The following RBFOX1 variants were observed in gnomAD, a reference collection of about 807,000 sequenced individuals.
The protein encoded by RBFOX1 is RNA binding fox-1 homolog 1, also known as RNA binding protein fox-1 homolog 1.
In RBFOX1, 8 loss-of-function variants were observed where a neutral mutation model predicts 57.7. That is an observed-to-expected ratio of 0.14 (90% CI 0.08 to 0.25). RBFOX1 has a LOEUF of 0.25. Ranked by LOEUF, RBFOX1 falls within the 10% of genes least tolerant of loss-of-function variation. The pLI is 1.00. For missense variants in RBFOX1, 611 were observed against 548.5 expected (o/e 1.11, Z -1.14); for synonymous variants, 326 against 222.4 (o/e 1.47, Z -4.15).
chr16:6,625,348 AC>A (rs1292061590), intron 2 of RBFOX1, among the ~76,000 whole-genome samples: 1 of 152,044 alleles, frequency 6.6e-6, no homozygotes, highest in African/African-American at 2.4e-5. Context: ...CATTCCTGTA[AC>A]TCTGGGTTTG....
chr16:7,347,961 G>A (rs13329767), intron 4 of RBFOX1, among the ~76,000 whole-genome samples: 1 of 152,014 alleles, frequency 6.6e-6, no homozygotes, highest in Non-Finnish European at 1.5e-5. Flanking sequence ...ATGCAGAGCT[G>A]TCTGTTTGTA....
At chr16:5,367,295 G>A (rs1044387549) in intron 1 of RBFOX1, among the ~76,000 whole-genome samples, 4 of 152,170 alleles carry the variant, frequency 2.6e-5, no homozygotes, top group South Asian at 2.1e-4. Flanking sequence ...TCAGTGATGC[G>A]GTTGCTCGCT....
intron 2 of RBFOX1, among the ~76,000 whole-genome samples, chr16:5,503,424 G>A (rs909355005): frequency 1.3e-5 from 2 of 152,148 alleles, no homozygotes; most frequent in Admixed American, 6.6e-5. Context: ...ACAAGACACT[G>A]GTTTCTTTCT....
intron 1 of RBFOX1, among the ~76,000 whole-genome samples, chr16:5,432,393 C>T (rs940295488): frequency 6.6e-6 from 1 of 152,192 alleles, no homozygotes; most frequent in Non-Finnish European, 1.5e-5. Context: ...CCTCCGCCGG[C>T]CCCTGTAATT....
intron 1 of RBFOX1, among the ~76,000 whole-genome samples, chr16:5,455,933 C>T (rs1025506010): frequency 2.0e-5 from 3 of 152,060 alleles, no homozygotes; most frequent in Admixed American, 2.0e-4. Context: ...CTAAGGCTTC[C>T]AGTGTTTTTA....
chr16:6,637,096 A>C (rs1345582842), intron 2 of RBFOX1, among the ~76,000 whole-genome samples: 1 of 40,632 alleles, frequency 2.5e-5, no homozygotes, highest in Non-Finnish European at 5.6e-5. Context: ...ATACATATTA[A>C]ATATATATAT....
intron 2 of RBFOX1, among the ~76,000 whole-genome samples, chr16:6,578,948 G>A (rs1362595002): frequency 4.6e-5 from 7 of 151,964 alleles, no homozygotes; most frequent in Admixed American, 2.6e-4. Context: ...ACAAATTACG[G>A]CTCTGGTGAT....
chr16:6,227,940 A>G (rs2097429835), intron 1 of RBFOX1, among the ~76,000 whole-genome samples: 2 of 152,216 alleles, frequency 1.3e-5, no homozygotes, highest in Admixed American at 1.3e-4. Flanking sequence ...CTGCTGGATT[A>G]TACATCCAAA....
chr16:6,307,483 G>A (rs2079654437), intron 1 of RBFOX1, among the ~76,000 whole-genome samples: 1 of 150,422 alleles, frequency 6.6e-6, no homozygotes, highest in Non-Finnish European at 1.5e-5. Flanking sequence ...TTCTTTCTAA[G>A]TCTAATTGAT....
chr16:6,209,317 G>A (rs948098365), intron 1 of RBFOX1, among the ~76,000 whole-genome samples: 2 of 152,194 alleles, frequency 1.3e-5, no homozygotes, highest in Admixed American at 1.3e-4. Context: ...GTTACATTAT[G>A]TTCCCCTGGG....
At chr16:7,085,064 T>G (rs2059782028) in intron 4 of RBFOX1, among the ~76,000 whole-genome samples, 1 of 152,004 alleles carries the variant, frequency 6.6e-6, no homozygotes, top group Non-Finnish European at 1.5e-5. Flanking sequence ...GGTATTATAT[T>G]GTAAAAGTTC....
intron 1 of RBFOX1, among the ~76,000 whole-genome samples, chr16:6,146,792 G>C (rs73529949): frequency 1.3e-5 from 2 of 152,090 alleles, no homozygotes; most frequent in Non-Finnish European, 2.9e-5. Context: ...AAAGAAGTGA[G>C]CATCGTCTAA....
chr16:5,552,565 C>G (rs563079054), intron 2 of RBFOX1, among the ~76,000 whole-genome samples: 19 of 152,264 alleles, frequency 1.2e-4, no homozygotes, highest in Admixed American at 1.1e-3. Flanking sequence ...TTTCTCTCCA[C>G]CCACAGGAAT....
intron 1 of RBFOX1, among the ~76,000 whole-genome samples, chr16:5,272,530 C>T (rs1199902965): frequency 6.6e-6 from 1 of 152,148 alleles, no homozygotes; most frequent in Non-Finnish European, 1.5e-5. Flanking sequence ...AGAATCGTCC[C>T]ATCCTCCAGG....
At chr16:6,518,845 A>ATCTATCTG (rs1410520156) in intron 2 of RBFOX1, among the ~76,000 whole-genome samples, 1 of 105,114 alleles carries the variant, frequency 9.5e-6, no homozygotes, top group African/African-American at 4.0e-5. Context: ...CTATCTATCT[A>ATCTATCTG]TCTGTCTTCC....
chr16:5,966,065 A>G (rs531937063), intron 4 of RBFOX1, among the ~76,000 whole-genome samples: 43 of 152,310 alleles, frequency 2.8e-4, no homozygotes, highest in African/African-American at 9.6e-4. Flanking sequence ...TTCTCCAGCC[A>G]TAAAATTCCT....
chr16:7,643,892 A>G (rs531540952), intron 11 of RBFOX1, among the ~76,000 whole-genome samples: 2 of 152,146 alleles, frequency 1.3e-5, no homozygotes, highest in East Asian at 1.9e-4. Context: ...TGTCTCCCCT[A>G]TCCCCCAACA....
At chr16:7,218,242 C>T (rs549335093) in intron 4 of RBFOX1, among the ~76,000 whole-genome samples, 5 of 152,162 alleles carry the variant, frequency 3.3e-5, no homozygotes, top group African/African-American at 4.8e-5. Flanking sequence ...TTGGCCAAAT[C>T]ATCTGAAAAT....
At chr16:6,245,476 C>T (rs2097564069) in intron 1 of RBFOX1, among the ~76,000 whole-genome samples, 1 of 152,084 alleles carries the variant, frequency 6.6e-6, no homozygotes, top group African/African-American at 2.4e-5. Flanking sequence ...TGGACCAGAC[C>T]ACAGCAGACC....
Sources: allele counts gnomAD v4.1 joint callset (sites outside exome capture counted in the v4.1 genomes callset), GRCh38; gene constraint gnomAD v4.1.1; transcripts MANE v1.5; gene names NCBI Gene and HGNC (gene_info 2026-07-23, HGNC 2026-07-21).